RREB1: variants seen among roughly 807,000 people sequenced by gnomAD.
RREB1 encodes the protein ras responsive element binding protein 1.
In RREB1, 27 loss-of-function variants were observed where a neutral mutation model predicts 117.8. That is an observed-to-expected ratio of 0.23 (90% CI 0.17 to 0.32). The LOEUF is 0.32. Ranked by LOEUF, RREB1 falls within the 10% of genes least tolerant of loss-of-function variation. RREB1 has a pLI of 1.00. For missense variants in RREB1, 2,577 were observed against 2,378.2 expected, an observed-to-expected ratio of 1.08 and a Z score of -1.74; for synonymous variants, 1,298 against 1,026.7, an observed-to-expected ratio of 1.26 and a Z score of -5.05.
At chr6:7,153,413 TACACACACACAC>T (rs57110705) in intron 1 of RREB1, among the ~76,000 whole-genome samples, 22 of 145,832 alleles carry the variant, frequency 1.5e-4, no homozygotes, top group African/African-American at 5.1e-4. Flanking sequence ...AGTAGTGGTA[TACACACACACAC>T]ACACACACAC....
chr6:7,164,913 A>G (rs1241601087), intron 1 of RREB1, among the ~76,000 whole-genome samples: 1 of 152,234 alleles, frequency 6.6e-6, no homozygotes, highest in Non-Finnish European at 1.5e-5. Flanking sequence ...ATGCTACTGA[A>G]TTATTTTAAG....
intron 10 of RREB1, among the ~76,000 whole-genome samples, chr6:7,235,427 C>G (rs1334286179): frequency 1.3e-5 from 2 of 152,202 alleles, no homozygotes; most frequent in Non-Finnish European, 2.9e-5. Flanking sequence ...AACATTGACT[C>G]TGCAGCCACC....
chr6:7,119,483 C>T (rs924891222), intron 1 of RREB1, among the ~76,000 whole-genome samples: 2 of 151,956 alleles, frequency 1.3e-5, no homozygotes, highest in East Asian at 1.9e-4. Context: ...AAGGAAGGCA[C>T]CTTGTGGAAG....
At chr6:7,188,261 G>A (rs894891509) in intron 5 of RREB1, among the ~76,000 whole-genome samples, 16 of 151,620 alleles carry the variant, frequency 1.1e-4, no homozygotes, top group Non-Finnish European at 1.9e-4. Context: ...GTGCGCGCGC[G>A]CACGTGTGTG....
intron 1 of RREB1, among the ~76,000 whole-genome samples, chr6:7,127,285 A>G (rs1414918273): frequency 6.6e-6 from 1 of 152,128 alleles, no homozygotes; most frequent in Non-Finnish European, 1.5e-5. Flanking sequence ...AGAAAATTTA[A>G]GTCGGAGAGA....
intron 1 of RREB1, among the ~76,000 whole-genome samples, chr6:7,126,404 G>A (rs893723817): frequency 6.6e-6 from 1 of 152,048 alleles, no homozygotes; most frequent in African/African-American, 2.4e-5. Flanking sequence ...TAGTAGCTGT[G>A]ATTACAGGCA....
intron 1 of RREB1, among the ~76,000 whole-genome samples, chr6:7,112,877 G>A (rs1761212212): frequency 6.6e-6 from 1 of 152,234 alleles, no homozygotes; most frequent in Admixed American, 6.5e-5. Context: ...GCAGCCGAGT[G>A]TAGCTGGGGA....
At chr6:7,245,729 T>C (rs1366021138) in intron 11 of RREB1, among the ~76,000 whole-genome samples, 1 of 152,184 alleles carries the variant, frequency 6.6e-6, no homozygotes, top group Non-Finnish European at 1.5e-5. Context: ...CCCTTCACAG[T>C]CCGCTCCCCT....
intron 2 of RREB1, among the ~76,000 whole-genome samples, chr6:7,177,218 C>CAAAAAA (rs552706086): frequency 2.9e-5 from 1 of 34,934 alleles, no homozygotes; most frequent in African/African-American, 8.5e-5. Context: ...GACTGTCTCA[C>CAAAAAA]AAAAAAAAAA....
At chr6:7,109,702 T>C (rs1030758517) in intron 1 of RREB1, among the ~76,000 whole-genome samples, 3 of 152,236 alleles carry the variant, frequency 2.0e-5, no homozygotes, top group Non-Finnish European at 4.4e-5. Context: ...GGTTAGGAGA[T>C]AGAACGTGAG....
chr6:7,201,745 G>C (rs1488254900), intron 6 of RREB1, among the ~76,000 whole-genome samples: 1 of 152,156 alleles, frequency 6.6e-6, no homozygotes, highest in Non-Finnish European at 1.5e-5. Context: ...TGGTCCTGTG[G>C]TGTCAGCACT....
At chr6:7,162,925 T>C (rs1424817031) in intron 1 of RREB1, among the ~76,000 whole-genome samples, 2 of 152,112 alleles carry the variant, frequency 1.3e-5, no homozygotes, top group Admixed American at 1.3e-4. Flanking sequence ...CAGTGCTCAC[T>C]GTAGCCTCAA....
chr6:7,115,780 C>G (rs1761370409), intron 1 of RREB1, among the ~76,000 whole-genome samples: 1 of 152,176 alleles, frequency 6.6e-6, no homozygotes, highest in African/African-American at 2.4e-5. Context: ...CCTGATCACC[C>G]TGCAAGTACC....
At chr6:7,148,235 G>C (rs1487038356) in intron 1 of RREB1, among the ~76,000 whole-genome samples, 1 of 152,118 alleles carries the variant, frequency 6.6e-6, no homozygotes, top group Non-Finnish European at 1.5e-5. Flanking sequence ...TATTCTTACT[G>C]TAGATACAGC....
chr6:7,248,272 G>C (rs532260262), intron 12 of RREB1, among the ~76,000 whole-genome samples: 7 of 152,312 alleles, frequency 4.6e-5, no homozygotes, highest in East Asian at 3.9e-4. Flanking sequence ...GGATCAGTAT[G>C]TAGAGTGCCT....
intron 2 of RREB1, among the ~76,000 whole-genome samples, chr6:7,177,453 TTGATCATATCTA>T (rs1166620934): frequency 6.6e-6 from 1 of 151,980 alleles, no homozygotes; most frequent in African/African-American, 2.4e-5. Flanking sequence ...CTTGGTAATG[TTGATCATATCTA>T]TGACTTGGGA....
At chr6:7,173,716 A>G (rs1283579544) in intron 1 of RREB1, among the ~76,000 whole-genome samples, 1 of 151,572 alleles carries the variant, frequency 6.6e-6, no homozygotes, top group African/African-American at 2.4e-5. Context: ...GCTACCCGGG[A>G]GGCTTGAGGC....
At chr6:7,188,254 C>CGT (rs1351252288) in intron 5 of RREB1, among the ~76,000 whole-genome samples, 212 of 141,490 alleles carry the variant, frequency 1.5e-3, no homozygotes, top group Non-Finnish European at 2.6e-3. Context: ...TGTGTGTGTG[C>CGT]GCGCGCGCAC....
intron 1 of RREB1, among the ~76,000 whole-genome samples, chr6:7,162,419 G>A (rs1272490775): frequency 6.6e-6 from 1 of 152,124 alleles, no homozygotes; most frequent in African/African-American, 2.4e-5. Flanking sequence ...TGCTGCCCTC[G>A]CCTTGCACTC....
Sources: allele counts gnomAD v4.1 joint callset (sites outside exome capture counted in the v4.1 genomes callset), GRCh38; gene constraint gnomAD v4.1.1; transcripts MANE v1.5; gene names NCBI Gene and HGNC (gene_info 2026-07-23, HGNC 2026-07-21).